The following DOCK4 variants were observed in gnomAD, a reference collection of about 807,000 sequenced individuals.
DOCK4 encodes dedicator of cytokinesis 4.
Under a neutral mutation model 268.1 loss-of-function variants are expected in DOCK4, and 97 were observed. The ratio of observed to expected loss-of-function variants is 0.36; its 90% confidence interval spans 0.31 to 0.43. DOCK4 has a LOEUF of 0.43. Among genes scored for constraint, DOCK4 ranks in the 20% least tolerant of loss-of-function variants. The pLI is 1.00. For missense variants in DOCK4, 2,145 were observed against 2,455.7 expected (o/e 0.87, Z 2.67); for synonymous variants, 954 against 887.2 (o/e 1.08, Z -1.34).
intron 1 of DOCK4, among the ~76,000 whole-genome samples, chr7:112,178,545 C>G (rs1488924032): frequency 6.6e-6 from 1 of 152,142 alleles, no homozygotes; most frequent in African/African-American, 2.4e-5. Context: ...AATAACAGTG[C>G]TAGGAAAAGA....
chr7:112,091,257 A>G (rs954043740), intron 1 of DOCK4, among the ~76,000 whole-genome samples: 2 of 152,154 alleles, frequency 1.3e-5, no homozygotes, highest in African/African-American at 4.8e-5. Context: ...TCTCCCCTTA[A>G]GAAGAAAGAG....
intron 1 of DOCK4, among the ~76,000 whole-genome samples, chr7:112,049,163 A>T (rs935894175): frequency 6.6e-6 from 1 of 152,200 alleles, no homozygotes; most frequent in African/African-American, 2.4e-5. Context: ...AATCACCTTA[A>T]AAGTCAATTG....
intron 1 of DOCK4, among the ~76,000 whole-genome samples, chr7:112,096,955 C>A (rs1037254034): frequency 2.0e-5 from 3 of 152,160 alleles, no homozygotes; most frequent in African/African-American, 7.2e-5. Flanking sequence ...GAACTTCTGT[C>A]TCTAGAAAGC....
chr7:111,863,472 C>G lies in DOCK4; in HGVS notation c.2373G>C (p.Leu791=). ...REVANLVQDT[L]GSLPTILHVD... ...CATGCAGGATGGTCGGCAGACTGCC[C>G]AGGGTGTCCTGGACCAAGTTGGCTA... Residue 791 remains leucine, a synonymous_variant, in exon 23 of 53, where the codon CTG becomes CTC. Coordinates refer to ENST00000428084, the MANE Select transcript of DOCK4 (RefSeq NM_001363540.2). 1.2e-6 allele frequency: 2 copies of G among 1,613,958 alleles called. No homozygotes were observed. Among genetic ancestry groups the G allele is most frequent in the Non-Finnish European group, 1.7e-6 (2 of 1,179,880 alleles).
intron 30 of DOCK4, among the ~76,000 whole-genome samples, chr7:111,802,231 G>A (rs1800353524): frequency 6.6e-6 from 1 of 152,032 alleles, no homozygotes. Flanking sequence ...TCACCAAGAT[G>A]TCCTGGAAAT....
chr7:111,893,501 T>G (rs1586288260), intron 16 of DOCK4, among the ~76,000 whole-genome samples: 1 of 152,208 alleles, frequency 6.6e-6, no homozygotes, highest in Admixed American at 6.5e-5. Context: ...TGAGCTAAGA[T>G]TTAATGTTAC....
intron 12 of DOCK4, among the ~76,000 whole-genome samples, chr7:111,918,953 G>C (rs1432519345): frequency 1.3e-5 from 2 of 151,936 alleles, no homozygotes; most frequent in African/African-American, 4.8e-5. Context: ...AACATCATGT[G>C]GTATACATAA....
intron 38 of DOCK4, among the ~76,000 whole-genome samples, chr7:111,765,889 A>G (rs764367005): frequency 1.3e-5 from 2 of 152,190 alleles, no homozygotes; most frequent in Non-Finnish European, 2.9e-5. Flanking sequence ...TTTCCAGAGA[A>G]AGACTAATAT....
intron 37 of DOCK4, 139 bp from the exon 38 acceptor site, chr7:111,767,257 T>C: frequency 1.6e-6 from 1 of 640,618 alleles, no homozygotes; most frequent in Non-Finnish European, 2.6e-6. Flanking sequence ...AGATGGAGTC[T>C]CACTCTGTCA....
At chr7:112,122,229 G>A (rs77899199) in intron 1 of DOCK4, among the ~76,000 whole-genome samples, 7 of 152,102 alleles carry the variant, frequency 4.6e-5, no homozygotes, top group Non-Finnish European at 1.0e-4. Context: ...TAAGTGTACA[G>A]TTCAGTAGTG....
At chr7:112,137,163 T>C (rs556970367) in intron 1 of DOCK4, among the ~76,000 whole-genome samples, 3 of 152,296 alleles carry the variant, frequency 2.0e-5, no homozygotes, top group African/African-American at 7.2e-5. Flanking sequence ...ATTTAAATAA[T>C]TTTTTTATCA....
rs979062611 is a variant in DOCK4, at chr7:111,900,516, A to T, written c.1338T>A (p.Ser446=). ...GGTACTCACTGGCTGGTGGCTCCCC[A>T]GAGCCGAAGGAGATAAAATCCTAAC... The part of the protein sequence containing the change: ...QTLKDFISFG[S]GEPPASEYHS... The change falls in exon 15 of 53, where the codon TCT becomes TCA. Residue 446 remains serine (S), a synonymous_variant. Coordinates refer to ENST00000428084, the MANE Select transcript of DOCK4 (RefSeq NM_001363540.2). 2 of 1,611,034 alleles carry T rather than the reference A, an allele frequency of 1.2e-6. No individual in the cohort carries two copies. Among genetic ancestry groups the T allele is most frequent in the Non-Finnish European group, 1.7e-6 (2 of 1,178,710 alleles).
At chr7:112,042,330 T>C (rs1804454494) in intron 1 of DOCK4, among the ~76,000 whole-genome samples, 1 of 152,160 alleles carries the variant, frequency 6.6e-6, no homozygotes, top group Non-Finnish European at 1.5e-5. Flanking sequence ...TGCTCCAAGC[T>C]CATGTCTTAT....
At chr7:111,869,550 C>T in intron 21 of DOCK4, 24 bp downstream of exon 21, 2 of 1,609,538 alleles carry the variant, frequency 1.2e-6, no homozygotes, top group Non-Finnish European at 8.5e-7. Flanking sequence ...TTAGACTCTG[C>T]TGTTATCAAC....
At chr7:112,163,155 C>T (rs1393266662) in intron 1 of DOCK4, among the ~76,000 whole-genome samples, 2 of 152,144 alleles carry the variant, frequency 1.3e-5, no homozygotes, top group Non-Finnish European at 2.9e-5. Context: ...ACATCATGTC[C>T]TTTGTCTCAC....
intron 15 of DOCK4, among the ~76,000 whole-genome samples, chr7:111,896,552 T>G (rs1808775235): frequency 6.6e-6 from 1 of 151,486 alleles, no homozygotes; most frequent in South Asian, 2.1e-4. Context: ...TTTGGTTAAC[T>G]TGACTCTCCC....
At chr7:111,880,896 GCTC>G (rs1419169669) in intron 16 of DOCK4, among the ~76,000 whole-genome samples, 1 of 142,596 alleles carries the variant, frequency 7.0e-6, no homozygotes, top group Non-Finnish European at 1.5e-5. Flanking sequence ...TTGCTAACTT[GCTC>G]CTATCTCTCA....
chr7:111,776,751 C>A (rs570163955), intron 36 of DOCK4, among the ~76,000 whole-genome samples: 1 of 152,208 alleles, frequency 6.6e-6, no homozygotes, highest in African/African-American at 2.4e-5. Context: ...ATAATCAAAC[C>A]ACTGAAAACC....
chr7:112,037,122 C>T lies in DOCK4; in HGVS notation c.38-32991G>A, dbSNP rs115004577. On this transcript the variant is annotated intron_variant, in intron 1 of 52. Coordinates refer to ENST00000428084, the MANE Select transcript of DOCK4 (RefSeq NM_001363540.2). ...GGCAAGCCATTCTGTTTTTCACTTT[C>T]AGCACAGTATTCAATAAATTACATG... is the stretch of plus-strand genomic sequence containing the variant. 2.2e-3 allele frequency among the ~76,000 whole-genome samples: 330 copies of T among 152,252 alleles called. 1 individual carries two copies. The highest frequency in any genetic ancestry group is 7.4e-3 in the African/African-American group (309 of 41,538).
Sources: gnomAD v4.1 joint callset for allele counts (sites outside exome capture counted in the v4.1 genomes callset) on GRCh38, gnomAD v4.1.1 for gene constraint, MANE v1.5 for transcripts, NCBI Gene and HGNC (gene_info 2026-07-23, HGNC 2026-07-21) for gene names.